The following ZRANB3 variants were observed in gnomAD, a reference collection of about 807,000 sequenced individuals.
ZRANB3 encodes DNA annealing helicase and endonuclease ZRANB3.
In ZRANB3, 125 loss-of-function variants were observed where a neutral mutation model predicts 133.8. The ratio of observed to expected loss-of-function variants is 0.93; its 90% CI spans 0.81 to 1.08. The LOEUF is 1.08. Among genes scored for constraint, ZRANB3 ranks in the 50% least tolerant of loss-of-function variants. ZRANB3 has a pLI of 0.00. For synonymous variants in ZRANB3, 387 were observed against 432.7 expected (o/e 0.89, Z 1.31); for missense variants, 1,229 against 1,275.5 (o/e 0.96, Z 0.56).
At chr2:135,496,384 T>TAAAAAAAA (rs56770947) in intron 2 of ZRANB3, among the ~76,000 whole-genome samples, 2 of 33,328 alleles carry the variant, frequency 6.0e-5, no homozygotes, top group East Asian at 1.1e-3. Context: ...AACTCCATCT[T>TAAAAAAAA]AAAAAAAAAA....
At chr2:135,296,244 T>C (rs1453182484) in intron 8 of ZRANB3, among the ~76,000 whole-genome samples, 2 of 152,226 alleles carry the variant, frequency 1.3e-5, no homozygotes, top group Admixed American at 1.3e-4. Context: ...TCTTTTCACA[T>C]AGTCCCATAT....
At chr2:135,385,623 G>C (rs1228027101) in intron 3 of ZRANB3, among the ~76,000 whole-genome samples, 6 of 152,118 alleles carry the variant, frequency 3.9e-5, no homozygotes, top group East Asian at 1.9e-4. Flanking sequence ...CAGCATGGTA[G>C]TGGTACCAAA....
intron 5 of ZRANB3, 85 bp downstream of exon 5, chr2:135,349,899 A>T (rs1685120048): frequency 8.5e-7 from 1 of 1,174,538 alleles, no homozygotes; most frequent in East Asian, 2.4e-5. Flanking sequence ...ATTTGAAATT[A>T]AAAATTGCAA....
chr2:135,410,851 GA>G (rs1558980617), intron 2 of ZRANB3, among the ~76,000 whole-genome samples: 3 of 152,026 alleles, frequency 2.0e-5, no homozygotes, highest in African/African-American at 7.2e-5. Context: ...CAAAAAACAT[GA>G]AAAAATGCTC....
intron 8 of ZRANB3, among the ~76,000 whole-genome samples, chr2:135,307,265 C>T (rs1682752728): frequency 1.3e-5 from 2 of 152,042 alleles, no homozygotes; most frequent in Admixed American, 1.3e-4. Context: ...GGGTTTTTGC[C>T]TTGTTGCTCA....
At chr2:135,465,423 T>C (rs953523771) in intron 2 of ZRANB3, among the ~76,000 whole-genome samples, 1 of 152,124 alleles carries the variant, frequency 6.6e-6, no homozygotes, top group Non-Finnish European at 1.5e-5. Flanking sequence ...CCTTAACTGA[T>C]GGTTACCTAA....
rs576419244 is a variant in ZRANB3 at position 135,324,981 on chromosome 2, C to T, written c.678-9451G>A. Among the ~76,000 whole-genome samples, 7 of 152,242 alleles carry T rather than the reference C, an allele frequency of 4.6e-5. No homozygotes were observed. The South Asian group carries it at 1.5e-3, about 32-fold the overall frequency. On this transcript the variant is annotated intron_variant, in intron 6 of 20. Coordinates refer to ENST00000264159, the MANE Select transcript of ZRANB3 (RefSeq NM_032143.4). The stretch of plus-strand genomic sequence containing the variant: ...TAATACTTATACCCTGAAAGCTACA[C>T]AACATTGTAGGATTTCTTTTTTAAT...
intron 2 of ZRANB3, among the ~76,000 whole-genome samples, chr2:135,486,308 G>A (rs1269924954): frequency 6.6e-6 from 1 of 152,046 alleles, no homozygotes; most frequent in African/African-American, 2.4e-5. Flanking sequence ...TTAATTTTTT[G>A]TTGTCACTTC....
intron 2 of ZRANB3, among the ~76,000 whole-genome samples, chr2:135,454,500 A>G (rs147055559): frequency 4.6e-5 from 7 of 152,196 alleles, no homozygotes; most frequent in African/African-American, 1.7e-4. Context: ...GATTAATTGC[A>G]GAGTGGTAAA....
chr2:135,412,952 A>T (rs1375674265), intron 2 of ZRANB3, among the ~76,000 whole-genome samples: 1 of 152,128 alleles, frequency 6.6e-6, no homozygotes, highest in Admixed American at 6.6e-5. Context: ...ATTACTCTGG[A>T]TCTATTATGT....
chr2:135,289,549 C>T (rs377020253), intron 8 of ZRANB3, among the ~76,000 whole-genome samples: 11 of 152,164 alleles, frequency 7.2e-5, no homozygotes, highest in African/African-American at 2.2e-4. Context: ...CCACTGTGCC[C>T]GGCCATGGAG....
At chr2:135,298,468 G>T (rs961589279) in intron 8 of ZRANB3, among the ~76,000 whole-genome samples, 11 of 152,024 alleles carry the variant, frequency 7.2e-5, no homozygotes, top group Middle Eastern at 3.2e-3. Flanking sequence ...GAAAGATCTG[G>T]GGCTCAAGGG....
At chr2:135,448,712 T>G (rs1690136503) in intron 2 of ZRANB3, among the ~76,000 whole-genome samples, 1 of 152,198 alleles carries the variant, frequency 6.6e-6, no homozygotes, top group Non-Finnish European at 1.5e-5. Context: ...GCCAGAAGAA[T>G]GCTGGCCACA....
intron 3 of ZRANB3, among the ~76,000 whole-genome samples, chr2:135,384,743 C>G: frequency 6.6e-6 from 1 of 152,066 alleles, no homozygotes; most frequent in Non-Finnish European, 1.5e-5. Flanking sequence ...TGACAAAAAC[C>G]ACATGATTAT....
At chr2:135,489,635 A>C (rs528476240) in intron 2 of ZRANB3, among the ~76,000 whole-genome samples, 4 of 151,832 alleles carry the variant, frequency 2.6e-5, no homozygotes, top group African/African-American at 9.6e-5. Context: ...CAGAGAAATA[A>C]AAAAAATACA....
At chr2:135,425,303 G>A (rs1452498747) in intron 2 of ZRANB3, among the ~76,000 whole-genome samples, 2 of 152,140 alleles carry the variant, frequency 1.3e-5, no homozygotes, top group Non-Finnish European at 2.9e-5. Context: ...GAAAAGGTCA[G>A]AAGTTTCTGG....
chr2:135,351,860 C>T (rs1431490353), intron 4 of ZRANB3, among the ~76,000 whole-genome samples: 2 of 152,134 alleles, frequency 1.3e-5, no homozygotes, highest in Non-Finnish European at 2.9e-5. Flanking sequence ...CTCCAGGAAA[C>T]TTATACTCTG....
chr2:135,213,536 T>C (rs903684849), intron 17 of ZRANB3, among the ~76,000 whole-genome samples: 2 of 152,174 alleles, frequency 1.3e-5, no homozygotes, highest in East Asian at 3.8e-4. Context: ...TGCTGCTAAG[T>C]TGGTTTCCCT....
At chr2:135,507,311 C>T (rs1693232792) in intron 1 of ZRANB3, among the ~76,000 whole-genome samples, 1 of 152,092 alleles carries the variant, frequency 6.6e-6, no homozygotes, top group African/African-American at 2.4e-5. Flanking sequence ...GTTGGGTATG[C>T]TTGAAAATAT....
Sources: allele counts gnomAD v4.1 joint callset (sites outside exome capture counted in the v4.1 genomes callset), GRCh38; gene constraint gnomAD v4.1.1; transcripts MANE v1.5; gene names NCBI Gene and HGNC (gene_info 2026-07-23, HGNC 2026-07-21).